Variants in ZNF169 observed in about 807,000 individuals in gnomAD.
ZNF169 encodes the protein zinc finger protein 169.
In ZNF169, 11 loss-of-function variants were observed where a neutral mutation model predicts 12.0. The observed-to-expected ratio is 0.92, with a 90% CI of 0.58 to 1.52. The LOEUF is 1.52. ZNF169 is among the 40% of genes most tolerant of loss of function. ZNF169 has a pLI of 0.00. For missense variants in ZNF169, 722 were observed against 744.0 expected, an observed-to-expected ratio of 0.97 and a Z score of 0.34; for synonymous variants, 302 against 286.5, an observed-to-expected ratio of 1.05 and a Z score of -0.55.
In ZNF169 at chr9:94,300,916, C is replaced by G. The variant is rs1831057453; in HGVS notation, c.1358C>G (p.Thr453Arg). The change falls in exon 5 of 5, where the codon ACA (threonine) becomes AGA (arginine). Residue 453 changes from threonine (T) to arginine (R), a missense_variant. Coordinates refer to ENST00000395395, the MANE Select transcript of ZNF169 (RefSeq NM_194320.4). ...CTCATTGGACACCAGAGGACACACA[C>G]AGGGGAGAAGCCCTACCTGTGCCCT... is the stretch of plus-strand genomic sequence containing the variant. Reference protein sequence around the residue: ...VTLIGHQRTHTGEKPYLCPDC... With the variant: ...VTLIGHQRTHRGEKPYLCPDC... 2 of 1,613,810 alleles carry G rather than the reference C, an allele frequency of 1.2e-6. No individual in the cohort carries two copies. Among genetic ancestry groups the G allele is most frequent in the Non-Finnish European group, 1.7e-6 (2 of 1,179,926 alleles).
intron 2 of ZNF169, among the ~76,000 whole-genome samples, chr9:94,282,943 TC>T (rs1327087911): frequency 6.6e-6 from 1 of 152,212 alleles, no homozygotes; most frequent in African/African-American, 2.4e-5. Context: ...CATCATGTTT[TC>T]ATCACTGCTA....
At chr9:94,273,689 C>T (rs1830469010) in intron 1 of ZNF169, among the ~76,000 whole-genome samples, 2 of 150,728 alleles carry the variant, frequency 1.3e-5, no homozygotes, top group African/African-American at 4.9e-5. Flanking sequence ...ACGCCATTCT[C>T]CTGCCTCAGC....
At chr9:94,287,324 A>G (rs1267184435) in intron 2 of ZNF169, among the ~76,000 whole-genome samples, 2 of 152,174 alleles carry the variant, frequency 1.3e-5, no homozygotes, top group East Asian at 3.9e-4. Flanking sequence ...ATTAAAAGAT[A>G]CACTAAATTC....
At chr9:94,287,652 CTG>C in intron 2 of ZNF169, 1 of 814,646 alleles carries the variant, frequency 1.2e-6, no homozygotes, top group Non-Finnish European at 2.0e-6. Flanking sequence ...GCATGAGCCA[CTG>C]TGCCCGGCCA....
chr9:94,277,796 A>G (rs978640496), intron 1 of ZNF169, among the ~76,000 whole-genome samples: 87 of 151,854 alleles, frequency 5.7e-4, no homozygotes, highest in African/African-American at 1.6e-3. Context: ...GCCGGGCGTG[A>G]TGGCGGGCGC....
intron 2 of ZNF169, among the ~76,000 whole-genome samples, chr9:94,290,688 AGTTGTTTCCAGTT>A (rs1345746335): frequency 6.6e-6 from 1 of 152,164 alleles, no homozygotes; most frequent in Non-Finnish European, 1.5e-5. Context: ...TAAACATTCA[AGTTGTTTCCAGTT>A]GTTGTGAACA....
At chr9:94,260,580 A>G (rs1037335733) in intron 1 of ZNF169, among the ~76,000 whole-genome samples, 34 of 152,006 alleles carry the variant, frequency 2.2e-4, no homozygotes, top group Middle Eastern at 3.4e-3. Flanking sequence ...CTGGAGTTAG[A>G]CATCCCTGGG....
chr9:94,290,091 T>C (rs1171097502), intron 2 of ZNF169, among the ~76,000 whole-genome samples: 2 of 152,192 alleles, frequency 1.3e-5, no homozygotes, highest in African/African-American at 4.8e-5. Flanking sequence ...TCATGTAATG[T>C]TGGTCATATC....
intron 2 of ZNF169, chr9:94,287,674 T>G: frequency 9.6e-7 from 1 of 1,037,134 alleles, no homozygotes. Context: ...AAAAATAGTT[T>G]AAAATTAAAC....
intron 1 of ZNF169, among the ~76,000 whole-genome samples, chr9:94,274,415 G>GATTCATAA (rs1482274350): frequency 6.6e-6 from 1 of 152,068 alleles, no homozygotes. Context: ...TTTCTTCTTT[G>GATTCATAA]ATTCATATCT....
rs1434724240 is a variant in ZNF169, at chr9:94,301,228, T to A, written c.1670T>A (p.Leu557His). The A allele has an allele frequency of 6.2e-7, 1 of 1,613,980 alleles. No individual in the cohort carries two copies. Among genetic ancestry groups the A allele is most frequent in the African/African-American group, 1.3e-5 (1 of 74,896 alleles). Residue 557 changes from leucine to histidine, a missense_variant, in exon 5 of 5, where the codon CTC (leucine) becomes CAC (histidine). Leu to His is a moderately conservative substitution (Grantham distance 99). Coordinates refer to ENST00000395395, the MANE Select transcript of ZNF169 (RefSeq NM_194320.4). ...CGCGGCTTTGGCTTTAAGTCTGCCCTCATCCGACATCAGCGGACCCATTCT... is the reference window on the plus strand; with the variant it reads ...CGCGGCTTTGGCTTTAAGTCTGCCCACATCCGACATCAGCGGACCCATTCT... The part of the protein sequence containing the change: ...CGRGFGFKSA[L>H]IRHQRTHSGE...
chr9:94,297,869 A>T (rs1052800030), intron 4 of ZNF169, among the ~76,000 whole-genome samples: 1 of 152,168 alleles, frequency 6.6e-6, no homozygotes, highest in Non-Finnish European at 1.5e-5. Context: ...CAATGCTCTT[A>T]AAAATTTGTT....
chr9:94,287,247 G>A (rs191368529), intron 2 of ZNF169, among the ~76,000 whole-genome samples: 6 of 152,308 alleles, frequency 3.9e-5, no homozygotes, highest in African/African-American at 1.4e-4. Flanking sequence ...ACATCTTAAA[G>A]CTGAATCATC....
At position 94,299,919 on chromosome 9, in the gene ZNF169, C is replaced by T; in HGVS notation, c.361C>T (p.Pro121Ser). Residue 121 changes from proline (P) to serine (S), a missense_variant, in exon 5 of 5, where the codon CCA (proline) becomes TCA (serine). Transcript: ENST00000395395. The part of the protein sequence containing the change: ...ALSGHPTQIF[P>S]SSSAGGDFQL... ...AAGTGGCCATCCCACACAGATCTTC[C>T]CAAGCTCATCTGCAGGAGGTGACTT... is the stretch of plus-strand genomic sequence containing the variant. 6.2e-7 allele frequency: 1 copy of T among 1,614,120 alleles called. No homozygotes were observed.
At chr9:94,299,602 C>T (rs1393857628) in intron 4 of ZNF169, 9 of 1,380,996 alleles carry the variant, frequency 6.5e-6, no homozygotes, top group African/African-American at 1.5e-5. Context: ...ATTTATAGAG[C>T]TGAAGCTGCC....
Position 94,301,465 on chromosome 9 carries a change from T to C in ZNF169, c.*95T>C. ...ATGGAAAAAAAAAAATGTTGCTTTC[T>C]TTCATCGATCATGAGATAGTTGATT... is the stretch of plus-strand genomic sequence containing the variant. On this transcript the variant is annotated 3_prime_UTR_variant, in exon 5 of 5. Coordinates refer to ENST00000395395, the MANE Select transcript of ZNF169 (RefSeq NM_194320.4). 1 of 1,449,856 alleles carries C rather than the reference T, an allele frequency of 6.9e-7. No individual in the cohort carries two copies. The highest frequency in any genetic ancestry group is 9.1e-7 in the Non-Finnish European group (1 of 1,099,322). 89.8% of individuals were successfully genotyped at this position (1,449,856 alleles called of 1,614,324 possible).
At chr9:94,284,283 G>A (rs1355495169) in intron 2 of ZNF169, among the ~76,000 whole-genome samples, 2 of 151,778 alleles carry the variant, frequency 1.3e-5, no homozygotes, top group Non-Finnish European at 2.9e-5. Context: ...AAATTAGCCG[G>A]GCGTGGTGGC....
chr9:94,261,654 T>G (rs1006879523), intron 1 of ZNF169, among the ~76,000 whole-genome samples: 1 of 152,196 alleles, frequency 6.6e-6, no homozygotes, highest in African/African-American at 2.4e-5. Context: ...TGAGTGACCC[T>G]TCATAGAGTG....
Position 94,300,025 on chromosome 9 carries a change from G to A in ZNF169, c.467G>A (p.Arg156Lys), listed in dbSNP as rs761220576. The A allele has an allele frequency of 3.1e-6, 5 of 1,614,094 alleles. No homozygotes were observed. Among genetic ancestry groups the A allele is most frequent in the South Asian group, 2.2e-5 (2 of 91,078 alleles). The change falls in exon 5 of 5, where the codon AGG (arginine) becomes AAG (lysine). Residue 156 changes from arginine (R) to lysine (K), a missense_variant. Coordinates refer to ENST00000395395, the MANE Select transcript of ZNF169 (RefSeq NM_194320.4). The stretch of plus-strand genomic sequence containing the variant: ...GGCCCCGACAGCTCATTAAGAAAGA[G>A]GCCAAGCAGAATTTCTAGGACATTC... Reference protein sequence around the residue: ...TEGPDSSLRKRPSRISRTFFS... With the variant: ...TEGPDSSLRKKPSRISRTFFS...
Sources: gnomAD v4.1 joint callset for allele counts (sites outside exome capture counted in the v4.1 genomes callset) on GRCh38, gnomAD v4.1.1 for gene constraint, MANE v1.5 for transcripts, NCBI Gene and HGNC (gene_info 2026-07-23, HGNC 2026-07-21) for gene names.